Variants in AGAP1 observed in about 807,000 individuals in gnomAD.
AGAP1 encodes the protein ArfGAP with GTPase domain, ankyrin repeat and PH domain 1.
In AGAP1, 29 loss-of-function variants were observed where a neutral mutation model predicts 105.3. That is an observed-to-expected ratio of 0.28 (90% CI 0.21 to 0.38). AGAP1 has a LOEUF of 0.38. Among genes scored for constraint, AGAP1 ranks in the 10% least tolerant of loss-of-function variants. The pLI, the probability that AGAP1 is intolerant of heterozygous loss-of-function variation, is 1.00. For missense variants in AGAP1, 998 were observed against 1,165.1 expected (o/e 0.86, Z 2.09); for synonymous variants, 509 against 485.9 (o/e 1.05, Z -0.63).
chr2:235,703,575 C>A (rs1950368075), intron 1 of AGAP1, among the ~76,000 whole-genome samples: 1 of 140,284 alleles, frequency 7.1e-6, no homozygotes, highest in African/African-American at 2.7e-5. Flanking sequence ...CCCTCCCCCG[C>A]TTCCCTCCCC....
chr2:236,113,874 C>T lies in AGAP1; in HGVS notation c.2115-6318C>T, dbSNP rs911720957. 1.3e-5 allele frequency among the ~76,000 whole-genome samples: 2 copies of T among 152,170 alleles called. No homozygotes were observed. Among genetic ancestry groups the T allele is most frequent in the Admixed American group, 6.5e-5 (1 of 15,278 alleles). ...TCATGGCCCAGAGAGAGGTAAAGAG[C>T]CACCTTTACCTCTTCTTTTAGGCAG... On this transcript the variant is annotated intron_variant, in intron 16 of 17. Coordinates refer to ENST00000304032, the MANE Select transcript of AGAP1 (RefSeq NM_001037131.3). This position sits in a 1 kb window ranked among gnomAD's most constrained non-coding sequence, Gnocchi z 4.3.
chr2:235,878,065 C>T (rs1248416056), intron 9 of AGAP1, among the ~76,000 whole-genome samples: 1 of 152,198 alleles, frequency 6.6e-6, no homozygotes, highest in South Asian at 2.1e-4. Context: ...CGTGGAAACC[C>T]GAGAGTGTGG....
At chr2:235,846,934 C>T (rs1237078077) in intron 9 of AGAP1, among the ~76,000 whole-genome samples, 1 of 152,182 alleles carries the variant, frequency 6.6e-6, no homozygotes, top group South Asian at 2.1e-4. Context: ...GGTCTGGTTC[C>T]ACAGTTTTGA....
intron 9 of AGAP1, among the ~76,000 whole-genome samples, chr2:235,823,573 G>T (rs1381906189): frequency 6.6e-6 from 1 of 152,114 alleles, no homozygotes; most frequent in Non-Finnish European, 1.5e-5. Context: ...CTTGCTCAAG[G>T]TCCTTCCAGA....
chr2:235,621,078 A>AT lies in AGAP1; in HGVS notation c.164-88100dup, dbSNP rs1406796174. On this transcript the variant is annotated intron_variant, in intron 1 of 17. Transcript: ENST00000304032. This position sits in a 1 kb window ranked among gnomAD's most constrained non-coding sequence, Gnocchi z 4.1. ...CTCTTGTCTCCCAGGCTGGAGTACA[A>AT]TGGCACAATCTTGGCTCACTGCAAA... Among the ~76,000 whole-genome samples the AT allele has an allele frequency of 3.9e-5, 6 of 152,096 alleles. No individual in the cohort carries two copies. The highest frequency in any genetic ancestry group is 7.3e-5 in the Non-Finnish European group (5 of 68,034).
chr2:235,805,964 A>C (rs944072966), intron 8 of AGAP1, among the ~76,000 whole-genome samples: 14 of 152,194 alleles, frequency 9.2e-5, no homozygotes, highest in Admixed American at 2.0e-4. Context: ...TGCCCAGGAG[A>C]GTAGCACCCT....
intron 1 of AGAP1, among the ~76,000 whole-genome samples, chr2:235,514,268 ACC>A (rs976807031): frequency 7.2e-5 from 11 of 152,370 alleles, no homozygotes; most frequent in African/African-American, 2.6e-4. Context: ...ATATAAATTT[ACC>A]CAGACCTCAA....
chr2:235,947,493 G>A (rs1575851968), intron 12 of AGAP1, among the ~76,000 whole-genome samples: 1 of 152,214 alleles, frequency 6.6e-6, no homozygotes, highest in East Asian at 1.9e-4. Context: ...TGGGCATTTG[G>A]GCTGGTTCCG....
rs773269482 is a variant in AGAP1, at chr2:235,670,741, C to T, written c.164-38438C>T. 1.9e-5 allele frequency: 17 copies of T among 909,134 alleles called. No individual in the cohort carries two copies. In the South Asian group the frequency reaches 2.2e-4, roughly 12 times the overall value. 56.3% of individuals were successfully genotyped at this position (909,134 alleles called of 1,614,324 possible). On this transcript the variant is annotated intron_variant, in intron 1 of 17. Coordinates refer to ENST00000304032, the MANE Select transcript of AGAP1 (RefSeq NM_001037131.3). ...AGAAGCGCAACACCCTGGACGTGGG[C>T]GAGGTGCTCAGCAAGAACGACGCGC...
In AGAP1 at chr2:235,752,287, T is replaced by C. The variant is rs1459248025; in HGVS notation, c.673+1799T>C. 6.6e-6 allele frequency among the ~76,000 whole-genome samples: 1 copy of C among 152,160 alleles called. No individual in the cohort carries two copies. The highest frequency in any genetic ancestry group is 1.5e-5 in the Non-Finnish European group (1 of 68,016). Reference sequence around the variant, plus strand: ...CTGCCTCCCAGGTTCAGGCAAATCTTGTGCCTCAGCCTCCCCAGTAGCTGG... The same window carrying C: ...CTGCCTCCCAGGTTCAGGCAAATCTCGTGCCTCAGCCTCCCCAGTAGCTGG... On this transcript the variant is annotated intron_variant, in intron 6 of 17. Transcript: ENST00000304032. The surrounding 1 kb of genome is among the most constrained non-coding windows in gnomAD (Gnocchi z 4.3).
At chr2:235,502,698 G>GC (rs1210923205) in intron 1 of AGAP1, among the ~76,000 whole-genome samples, 1 of 100,580 alleles carries the variant, frequency 9.9e-6, no homozygotes, top group African/African-American at 4.2e-5. Context: ...CTTTTTATTT[G>GC]CCTTTTTTTT....
At chr2:235,591,859 C>T (rs1016767724) in intron 1 of AGAP1, among the ~76,000 whole-genome samples, 6 of 150,062 alleles carry the variant, frequency 4.0e-5, no homozygotes, top group Non-Finnish European at 7.4e-5. Context: ...CACCCCCACC[C>T]CCCACCACTT....
intron 1 of AGAP1, among the ~76,000 whole-genome samples, chr2:235,606,083 C>G (rs1384264588): frequency 6.6e-6 from 1 of 152,204 alleles, no homozygotes; most frequent in Non-Finnish European, 1.5e-5. Flanking sequence ...AAGAAGAGTT[C>G]TTGTAAACAG....
At chr2:235,696,148 C>T (rs550360593) in intron 1 of AGAP1, among the ~76,000 whole-genome samples, 8 of 152,282 alleles carry the variant, frequency 5.3e-5, no homozygotes, top group African/African-American at 1.9e-4. Context: ...CGATTTCAAG[C>T]GATTCTCCTG....
intron 1 of AGAP1, among the ~76,000 whole-genome samples, chr2:235,699,991 A>C (rs1424299080): frequency 2.6e-5 from 4 of 152,190 alleles, no homozygotes; most frequent in Admixed American, 1.3e-4. Context: ...TCTTCCCTGC[A>C]TCTGTGAACA....
intron 1 of AGAP1, among the ~76,000 whole-genome samples, chr2:235,568,478 G>A (rs1246660678): frequency 6.6e-6 from 1 of 152,186 alleles, no homozygotes; most frequent in Non-Finnish European, 1.5e-5. Context: ...CTAGCACTTA[G>A]CATGTGGCGG....
intron 15 of AGAP1, among the ~76,000 whole-genome samples, chr2:236,041,883 G>A (rs1352627993): frequency 6.6e-6 from 1 of 152,186 alleles, no homozygotes; most frequent in Non-Finnish European, 1.5e-5. Context: ...CGTGTCAGCA[G>A]GGCTCTGGAG....
In AGAP1 at chr2:235,714,564, G is replaced by A. The variant is rs1951002958; in HGVS notation, c.223-2993G>A. Reference sequence around the variant, plus strand: ...CAGGGAGCGGGCAGATGAGAGGCGGGAGGGTTGTAACTGGGGTGTAAGAGG... The same window carrying A: ...CAGGGAGCGGGCAGATGAGAGGCGGAAGGGTTGTAACTGGGGTGTAAGAGG... On this transcript the variant is annotated intron_variant, in intron 2 of 17. Coordinates refer to ENST00000304032, the MANE Select transcript of AGAP1 (RefSeq NM_001037131.3). This position sits in a 1 kb window ranked among gnomAD's most constrained non-coding sequence, Gnocchi z 4.1. Among the ~76,000 whole-genome samples the A allele has an allele frequency of 6.6e-6, 1 of 151,766 alleles. No homozygotes were observed. The highest frequency in any genetic ancestry group is 1.5e-5 in the Non-Finnish European group (1 of 67,974).
intron 1 of AGAP1, among the ~76,000 whole-genome samples, chr2:235,562,038 T>C (rs1244596719): frequency 6.6e-6 from 1 of 152,210 alleles, no homozygotes; most frequent in South Asian, 2.1e-4. Context: ...TAACAAATGA[T>C]GGCAAAATAT....
Sources: allele counts gnomAD v4.1 joint callset (sites outside exome capture counted in the v4.1 genomes callset), GRCh38; gene constraint gnomAD v4.1.1; non-coding constraint Gnocchi (gnomAD v3.1); transcripts MANE v1.5; gene names NCBI Gene and HGNC (gene_info 2026-07-23, HGNC 2026-07-21).